The following CRB2 variants were observed in gnomAD, a reference collection of about 807,000 sequenced individuals.
The protein encoded by CRB2 is crumbs cell polarity complex component 2, also known as protein crumbs homolog 2.
A neutral mutation model predicts 110.9 loss-of-function variants in CRB2; 85 were observed. That is an observed-to-expected ratio of 0.77 (90% CI 0.64 to 0.92). The LOEUF is 0.92. CRB2 is among the 40% of genes least tolerant of loss of function. The pLI is 0.00. For missense variants in CRB2, 1,843 were observed against 1,851.3 expected, an observed-to-expected ratio of 1.00 and a Z score of 0.08; for synonymous variants, 907 against 831.0, an observed-to-expected ratio of 1.09 and a Z score of -1.57.
At chr9:123,356,154 C>T (rs1357054865), upstream of CRB2, 2 of 668,174 alleles carry the variant, frequency 3.0e-6, no homozygotes, top group Non-Finnish European at 4.5e-6. Flanking sequence ...GGGGCTGGGC[C>T]TCTGTCCACA....
chr9:123,371,582 A>T lies in CRB2; in HGVS notation c.2436+4A>T. 1 of 1,612,308 alleles carries T rather than the reference A, an allele frequency of 6.2e-7. No homozygotes were observed. The highest frequency in any genetic ancestry group is 8.5e-7 in the Non-Finnish European group (1 of 1,179,994). ...CGTCTCCGAGGACATGTGCAGTGTAAGTGTCTGGTGGCGGTGGTGGTGGTG... is the reference window on the plus strand; with the variant it reads ...CGTCTCCGAGGACATGTGCAGTGTATGTGTCTGGTGGCGGTGGTGGTGGTG... On this transcript the variant is annotated splice_donor_region_variant and intron_variant, in intron 8 of 12. Coordinates refer to ENST00000373631, the MANE Select transcript of CRB2 (RefSeq NM_173689.7).
intron 1 of CRB2, among the ~76,000 whole-genome samples, chr9:123,359,529 G>A (rs1472319454): frequency 2.1e-5 from 3 of 143,868 alleles, no homozygotes. Flanking sequence ...GCCCACTGTA[G>A]CCTCGACACC....
chr9:123,356,341 T>G lies in CRB2; in HGVS notation c.81T>G (p.Leu27=). ...VLLLLLWAPA[L]SLLAGTVPSE... is the part of the protein sequence containing the mutation. ...TACTGCTGCTCTGGGCCCCTGCCCT[T>G]TCCCTCCTGGCTGGTGAGTTGGGGC... The change falls in exon 1 of 13, where the codon CTT becomes CTG. Residue 27 remains leucine (L), a synonymous_variant. Transcript: ENST00000373631. 1.9e-6 allele frequency: 3 copies of G among 1,547,142 alleles called. No individual in the cohort carries two copies. Among genetic ancestry groups the G allele is most frequent in the Non-Finnish European group, 2.6e-6 (3 of 1,145,730 alleles).
Position 123,373,417 on chromosome 9 carries a change from C to G in CRB2, c.2886C>G (p.Ala962=), listed in dbSNP as rs770830556. The change falls in exon 10 of 13, where the codon GCC becomes GCG. Residue 962 remains alanine, a synonymous_variant. Transcript: ENST00000373631. Reference sequence around the variant, plus strand: ...GTGCCTGGCACCGCGTGCGTCTGGCCATGGAGCGCCCGGCGGCCACCACCT... The same window carrying G: ...GTGCCTGGCACCGCGTGCGTCTGGCGATGGAGCGCCCGGCGGCCACCACCT... ...ADGAWHRVRL[A]MERPAATTSR... is the part of the protein sequence containing the mutation. 1 of 1,448,034 alleles carries G rather than the reference C, an allele frequency of 6.9e-7. No individual in the cohort carries two copies. Among genetic ancestry groups the G allele is most frequent in the Non-Finnish European group, 9.0e-7 (1 of 1,105,816 alleles). 89.7% of individuals were successfully genotyped at this position (1,448,034 alleles called of 1,614,324 possible).
At position 123,370,821 on chromosome 9, in the gene CRB2, C is replaced by G; in HGVS notation, c.1768C>G (p.Leu590Val). ...LQDVRVDGHL[L>V]LPEDLGENVL... is the part of the protein sequence containing the mutation. ...GGACGTGCGTGTGGATGGCCACCTCCTGCTGCCTGAGGATCTCGGTGAGAA... is the reference window on the plus strand; with the variant it reads ...GGACGTGCGTGTGGATGGCCACCTCGTGCTGCCTGAGGATCTCGGTGAGAA... Residue 590 changes from leucine to valine, a missense_variant, in exon 7 of 13, where the codon CTG (leucine) becomes GTG (valine). By Grantham distance (32) the Leu-to-Val change is conservative. Transcript: ENST00000373631. 11 of 1,605,300 alleles carry G rather than the reference C, an allele frequency of 6.9e-6. No individual in the cohort carries two copies. Among genetic ancestry groups the G allele is most frequent in the Non-Finnish European group, 9.3e-6 (11 of 1,179,982 alleles).
At chr9:123,360,170 G>T (rs1437712265) in intron 1 of CRB2, among the ~76,000 whole-genome samples, 5 of 152,164 alleles carry the variant, frequency 3.3e-5, no homozygotes, top group African/African-American at 9.7e-5. Flanking sequence ...TTTCTGGTCT[G>T]AATCAAGTAT....
Position 123,370,766 on chromosome 9 carries a change from G to A in CRB2, c.1713G>A (p.Leu571=), listed in dbSNP as rs752659047. ...PLPAGISSAQ[L]GDATFAGCLQ... ...CTGCCGGGATCTCCTCTGCCCAGCT[G>A]GGGGACGCGACCTTTGCAGGCTGCC... The change falls in exon 7 of 13, where the codon CTG becomes CTA. Residue 571 remains leucine (L), a synonymous_variant. Coordinates refer to ENST00000373631, the MANE Select transcript of CRB2 (RefSeq NM_173689.7). 1.2e-6 allele frequency: 2 copies of A among 1,602,710 alleles called. No homozygotes were observed. The highest frequency in any genetic ancestry group is 1.7e-5 in the Admixed American group (1 of 60,000).
At chr9:123,372,674 C>T (rs2042033431) in intron 9 of CRB2, among the ~76,000 whole-genome samples, 2 of 152,248 alleles carry the variant, frequency 1.3e-5, no homozygotes, top group African/African-American at 4.8e-5. Context: ...GCTTTGAGGA[C>T]ACCCAGCTAG....
At position 123,367,318 on chromosome 9, in the gene CRB2, G is replaced by A; in HGVS notation, c.901G>A (p.Ala301Thr). The change falls in exon 5 of 13, where the codon GCT becomes ACT. Residue 301 changes from alanine to threonine, a missense_variant. Ala to Thr is a moderately conservative substitution (Grantham distance 58, BLOSUM62 0). Coordinates refer to ENST00000373631, the MANE Select transcript of CRB2 (RefSeq NM_173689.7). ...AFPGAFSFRH[A>T]AGFLCHCPPG... ...CCCTGGCGCCTTCAGCTTCCGCCAT[G>A]CTGCGGGTTTCCTGTGCCACTGCCC... is the stretch of plus-strand genomic sequence containing the variant. 6.2e-7 allele frequency: 1 copy of A among 1,604,782 alleles called. No individual in the cohort carries two copies. Among genetic ancestry groups the A allele is most frequent in the South Asian group, 1.1e-5 (1 of 91,040 alleles).
Position 123,360,040 on chromosome 9 carries a change from C to T in CRB2, c.95-2825C>T, listed in dbSNP as rs74740374. The stretch of plus-strand genomic sequence containing the variant: ...GTTTGTAAAGTGAAAATTTCACATG[C>T]ATTGGGAGATGTGGACCTCTGGGAA... On this transcript the variant is annotated intron_variant, in intron 1 of 12. Transcript: ENST00000373631. 7.4e-4 allele frequency among the ~76,000 whole-genome samples: 112 copies of T among 152,148 alleles called. No homozygotes were observed. In the East Asian group the frequency reaches 0.019, roughly 26 times the overall value.
upstream of CRB2, chr9:123,356,154 C>G (rs1357054865): frequency 1.0e-5 from 7 of 668,174 alleles, no homozygotes; most frequent in Non-Finnish European, 1.6e-5. Flanking sequence ...GGGGCTGGGC[C>G]TCTGTCCACA....
At chr9:123,357,925 C>A (rs1415453482) in intron 1 of CRB2, among the ~76,000 whole-genome samples, 1 of 152,240 alleles carries the variant, frequency 6.6e-6, no homozygotes, top group Admixed American at 6.5e-5. Flanking sequence ...TCACAGGGGA[C>A]CTGGAGGCAC....
chr9:123,367,350 C>CT lies in CRB2; in HGVS notation c.936dup (p.Glu313Ter). ...GTTTCCTGTGCCACTGCCCTCCTGG[C>CT]TTTGAGGGTGAGCCCCTGCTGGGGA... is the stretch of plus-strand genomic sequence containing the variant. On this transcript the variant is annotated frameshift_variant, in exon 5 of 13. Coordinates refer to ENST00000373631, the MANE Select transcript of CRB2 (RefSeq NM_173689.7). LOFTEE classifies it high-confidence loss of function. The CT allele has an allele frequency of 1.9e-6, 3 of 1,600,888 alleles. No individual in the cohort carries two copies. Among genetic ancestry groups the CT allele is most frequent in the Non-Finnish European group, 2.5e-6 (3 of 1,179,334 alleles).
At chr9:123,361,137 A>G (rs2808414) in intron 1 of CRB2, among the ~76,000 whole-genome samples, 12,152 of 48,692 alleles carry the variant, frequency 0.25, 1,823 homozygotes, top group African/African-American at 0.34. Flanking sequence ...ATGGGCGGGG[A>G]GGGGGGGGGG....
intron 12 of CRB2, among the ~76,000 whole-genome samples, 200 bp from the exon 13 acceptor site, chr9:123,376,638 C>T (rs760012119): frequency 2.0e-5 from 3 of 152,212 alleles, no homozygotes; most frequent in Non-Finnish European, 4.4e-5. Flanking sequence ...ATAGGCCTCC[C>T]CGAGCAGTGG....
chr9:123,356,041 A>C, upstream of CRB2: 2 of 401,502 alleles, frequency 5.0e-6, no homozygotes, highest in Non-Finnish European at 4.3e-6. Flanking sequence ...CCCACAGGCT[A>C]GGGGGCTTGA....
chr9:123,374,690 C>T lies in CRB2; in HGVS notation c.3501C>T (p.Gly1167=). Residue 1167 remains glycine (G), a synonymous_variant, in exon 11 of 13, where the codon GGC becomes GGT. Transcript: ENST00000373631. ...GCAGCTGCCTGGAGGGTCTTGCTGGCCAGAGGTGGGTCTGGGGGCCTGGGA... is the reference window on the plus strand; with the variant it reads ...GCAGCTGCCTGGAGGGTCTTGCTGGTCAGAGGTGGGTCTGGGGGCCTGGGA... ...ANCSCLEGLA[G]QRCQVPTLPC... is the part of the protein sequence containing the mutation. The T allele has an allele frequency of 6.2e-7, 1 of 1,607,020 alleles. No homozygotes were observed. The highest frequency in any genetic ancestry group is 8.5e-7 in the Non-Finnish European group (1 of 1,177,752).
chr9:123,366,749 A>C (rs2041938039), intron 4 of CRB2, among the ~76,000 whole-genome samples: 2 of 151,998 alleles, frequency 1.3e-5, no homozygotes, highest in Non-Finnish European at 2.9e-5. Context: ...TCAGGAGTTC[A>C]AGACCAGCCT....
intron 2 of CRB2, among the ~76,000 whole-genome samples, chr9:123,364,075 G>A (rs1302150604): frequency 6.6e-5 from 10 of 152,208 alleles, no homozygotes; most frequent in Admixed American, 5.9e-4. Context: ...GGGGGGCTGG[G>A]TTCCAGGGCA....
Sources: gnomAD v4.1 joint callset for allele counts (sites outside exome capture counted in the v4.1 genomes callset) on GRCh38, gnomAD v4.1.1 for gene constraint, MANE v1.5 for transcripts, NCBI Gene and HGNC (gene_info 2026-07-23, HGNC 2026-07-21) for gene names.